EPB41: variants seen among roughly 807,000 people sequenced by gnomAD.
EPB41 encodes protein 4.1.
EPB41 carries 65 observed loss-of-function variants against 108.0 expected under a neutral mutation model. The ratio of observed to expected loss-of-function variants is 0.60; its 90% confidence interval spans 0.49 to 0.74. The LOEUF (loss-of-function observed/expected upper bound fraction) is 0.74. Among genes scored for constraint, EPB41 ranks in the 30% least tolerant of loss-of-function variants. The pLI is 0.00. For synonymous variants in EPB41, 336 were observed against 358.9 expected, an observed-to-expected ratio of 0.94 and a Z score of 0.72; for missense variants, 875 against 1,037.0, an observed-to-expected ratio of 0.84 and a Z score of 2.15.
chr1:29,109,392 C>T lies in EPB41; in HGVS notation c.2370C>T (p.Ile790=). 1 of 1,614,122 alleles carries T rather than the reference C, an allele frequency of 6.2e-7. No individual in the cohort carries two copies. Among genetic ancestry groups the T allele is most frequent in the South Asian group, 1.1e-5 (1 of 91,076 alleles). ...DPGVLLTAQT[I]TSETPSSTTT... ...GAGTCTTGCTGACAGCTCAAACTAT[C>T]ACATCTGAGACCCCAAGCAGCACCA... Residue 790 remains isoleucine, a synonymous_variant, in exon 18 of 21, where the codon ATC becomes ATT. Coordinates refer to ENST00000343067, the MANE Select transcript of EPB41 (RefSeq NM_001376013.1).
At chr1:29,075,213 T>A (rs1458946275) in intron 16 of EPB41, among the ~76,000 whole-genome samples, 1 of 148,804 alleles carries the variant, frequency 6.7e-6, no homozygotes, top group Non-Finnish European at 1.5e-5. Context: ...GTGTGGTGGC[T>A]CATGCCTGTA....
At chr1:29,113,498 C>T (rs527613652) in intron 19 of EPB41, among the ~76,000 whole-genome samples, 24 of 152,308 alleles carry the variant, frequency 1.6e-4, no homozygotes, top group African/African-American at 4.6e-4. Flanking sequence ...CAGTGGGTCC[C>T]GCTGCTTTAG....
At chr1:28,977,212 C>A (rs925330513) in intron 1 of EPB41, among the ~76,000 whole-genome samples, 1 of 151,920 alleles carries the variant, frequency 6.6e-6, no homozygotes, top group Non-Finnish European at 1.5e-5. Flanking sequence ...AGAATTAAAT[C>A]ATCAAACTTC....
chr1:28,997,131 A>G (rs895005592), intron 3 of EPB41, 84 bp from the exon 4 acceptor site: 1 of 1,017,106 alleles, frequency 9.8e-7, no homozygotes, highest in African/African-American at 1.6e-5. Flanking sequence ...CAGCCTGGGC[A>G]ACAGAGTGAA....
intron 7 of EPB41, among the ~76,000 whole-genome samples, chr1:29,023,407 A>G (rs2096671878): frequency 6.6e-6 from 1 of 151,840 alleles, no homozygotes; most frequent in Admixed American, 6.6e-5. Flanking sequence ...AAAGCTCTTG[A>G]CCGGGCACAG....
chr1:29,091,412 G>A (rs1661120737), intron 16 of EPB41, among the ~76,000 whole-genome samples: 1 of 152,094 alleles, frequency 6.6e-6, no homozygotes. Context: ...ATCTATTTTT[G>A]GACAGCTCTA....
chr1:29,110,942 G>A (rs975693935), intron 18 of EPB41, among the ~76,000 whole-genome samples: 61 of 151,930 alleles, frequency 4.0e-4, no homozygotes, highest in African/African-American at 1.2e-3. Context: ...CAAGGCGGGC[G>A]GATCACCTGA....
chr1:28,890,643 AG>A (rs2090016805), intron 1 of EPB41, among the ~76,000 whole-genome samples: 1 of 152,220 alleles, frequency 6.6e-6, no homozygotes, highest in Non-Finnish European at 1.5e-5. Context: ...CTGCCTGTTA[AG>A]CACTTACTAT....
At chr1:29,049,627 T>C (rs1373253304) in intron 11 of EPB41, among the ~76,000 whole-genome samples, 1 of 152,224 alleles carries the variant, frequency 6.6e-6, no homozygotes, top group Admixed American at 6.5e-5. Context: ...TAGCAGAAAT[T>C]GTGCTAGTAA....
chr1:28,925,890 T>C (rs1570702769), intron 1 of EPB41, among the ~76,000 whole-genome samples: 2 of 152,202 alleles, frequency 1.3e-5, no homozygotes, highest in East Asian at 3.9e-4. Flanking sequence ...ATTTAGTACA[T>C]GTTAAGTGAG....
chr1:28,934,976 G>T (rs1282059351), intron 1 of EPB41, among the ~76,000 whole-genome samples: 5 of 151,978 alleles, frequency 3.3e-5, no homozygotes, highest in Non-Finnish European at 7.4e-5. Context: ...CTAGCCAGGG[G>T]TGGTGGCGCA....
rs2151787040 is a variant in EPB41, at chr1:29,117,589, A to G, written c.*777A>G. On this transcript the variant is annotated 3_prime_UTR_variant, in exon 21 of 21. Coordinates refer to ENST00000343067, the MANE Select transcript of EPB41 (RefSeq NM_001376013.1). ...TTTACCTCATCAGAAGCAGTGGCTC[A>G]GCTAAGTGCTCCCCCTAGCTCCCAT... is the stretch of plus-strand genomic sequence containing the variant. 1 of 152,818 alleles carries G rather than the reference A, an allele frequency of 6.5e-6. No homozygotes were observed. Among genetic ancestry groups the G allele is most frequent in the South Asian group, 2.1e-4 (1 of 4,830 alleles). The allele number at this position is 152,818 out of a possible 1,614,324, so 9.5% of individuals were successfully genotyped here. A position where few individuals can be genotyped will look rare whatever the true frequency, so the allele number is the denominator to read the frequency against.
At chr1:28,956,711 A>T (rs1282876937) in intron 1 of EPB41, among the ~76,000 whole-genome samples, 2 of 152,220 alleles carry the variant, frequency 1.3e-5, no homozygotes, top group Admixed American at 6.5e-5. Context: ...AGTAAGAATC[A>T]TCTAAAATAT....
In EPB41 at chr1:29,097,944, T is replaced by A. The variant is rs550021271; in HGVS notation, c.2313+9T>A. The A allele has an allele frequency of 3.7e-6, 6 of 1,613,856 alleles. No homozygotes were observed. In the South Asian group the frequency reaches 6.6e-5, roughly 18 times the overall value. On this transcript the variant is annotated intron_variant, in intron 17 of 20. Transcript: ENST00000343067. The stretch of plus-strand genomic sequence containing the variant: ...CTTATGAGGCTGCCCAGGTAGGACA[T>A]GTTTTGATGCTTCAGAACCAAAGGC...
chr1:29,045,891 A>C (rs1643040805), intron 11 of EPB41, among the ~76,000 whole-genome samples: 1 of 150,756 alleles, frequency 6.6e-6, no homozygotes, highest in African/African-American at 2.4e-5. Context: ...CAGGAGGATC[A>C]CTTCAGCCTA....
chr1:28,923,061 G>A (rs2093212056), intron 1 of EPB41, among the ~76,000 whole-genome samples: 1 of 149,016 alleles, frequency 6.7e-6, no homozygotes, highest in African/African-American at 2.5e-5. Context: ...AATCAGGTAT[G>A]TGTAATTAGC....
intron 17 of EPB41, among the ~76,000 whole-genome samples, chr1:29,107,146 G>T (rs1667486966): frequency 6.6e-6 from 1 of 151,900 alleles, no homozygotes; most frequent in African/African-American, 2.4e-5. Context: ...TCCCACTATT[G>T]TACTCCAGCC....
At chr1:28,924,890 G>T (rs2093350166) in intron 1 of EPB41, among the ~76,000 whole-genome samples, 3 of 150,846 alleles carry the variant, frequency 2.0e-5, no homozygotes, top group Admixed American at 1.3e-4. Context: ...TCAACCTCCT[G>T]GGCTCAAGCA....
intron 4 of EPB41, among the ~76,000 whole-genome samples, chr1:29,001,435 T>C (rs541460135): frequency 1.3e-5 from 2 of 152,344 alleles, no homozygotes; most frequent in East Asian, 3.9e-4. Flanking sequence ...ACTATCATCC[T>C]GGGGATGTGC....
Sources: gnomAD v4.1 joint callset for allele counts (sites outside exome capture counted in the v4.1 genomes callset) on GRCh38, gnomAD v4.1.1 for gene constraint, MANE v1.5 for transcripts, NCBI Gene and HGNC (gene_info 2026-07-23, HGNC 2026-07-21) for gene names.